DAB2IP: variants seen among roughly 807,000 people sequenced by gnomAD.
The protein encoded by DAB2IP is disabled homolog 2-interacting protein.
A neutral mutation model predicts 107.2 loss-of-function variants in DAB2IP; 28 were observed. The observed-to-expected ratio is 0.26, with a 90% CI of 0.19 to 0.36. The LOEUF (loss-of-function observed/expected upper bound fraction) is 0.36, where lower values mean the gene tolerates loss of function less well. Among genes scored for constraint, DAB2IP ranks in the 10% least tolerant of loss-of-function variants. The pLI, the probability that DAB2IP is intolerant of heterozygous loss-of-function variation, is 1.00. For missense variants in DAB2IP, 1,400 were observed against 1,644.7 expected (o/e 0.85, Z 2.57); for synonymous variants, 755 against 706.4 (o/e 1.07, Z -1.09).
At chr9:121,621,636 CT>C (rs538942620) in intron 1 of DAB2IP, among the ~76,000 whole-genome samples, 2,164 of 134,818 alleles carry the variant, frequency 0.016, 14 homozygotes, top group African/African-American at 0.029. Flanking sequence ...TCTTTTTTTC[CT>C]TTTTTTTTTT....
At chr9:121,717,635 A>G (rs1271461556) in intron 3 of DAB2IP, among the ~76,000 whole-genome samples, 1 of 152,152 alleles carries the variant, frequency 6.6e-6, no homozygotes, top group Non-Finnish European at 1.5e-5. Flanking sequence ...CTCTACCCAT[A>G]GTTCTGGCTG....
chr9:121,724,974 T>C (rs1262022011), intron 3 of DAB2IP, among the ~76,000 whole-genome samples: 1 of 151,718 alleles, frequency 6.6e-6, no homozygotes, highest in Non-Finnish European at 1.5e-5. Flanking sequence ...TCAGTGAGGG[T>C]CAGGACAGGG....
chr9:121,641,935 T>TTCTC (rs1161161801), intron 1 of DAB2IP, among the ~76,000 whole-genome samples: 7 of 113,634 alleles, frequency 6.2e-5, no homozygotes, highest in South Asian at 2.9e-4. Flanking sequence ...CTTTCTTTCT[T>TTCTC]TCTCTCTTTC....
Position 121,772,563 on chromosome 9 carries a change from C to G in DAB2IP, c.2079-44C>G, listed in dbSNP as rs747585189. 9 of 1,570,302 alleles carry G rather than the reference C, an allele frequency of 5.7e-6. No individual in the cohort carries two copies. In the African/African-American group the frequency reaches 1.1e-4, roughly 19 times the overall value. On this transcript the variant is annotated intron_variant, in intron 11 of 15. Transcript: ENST00000408936. This position sits in a 1 kb window ranked among gnomAD's most constrained non-coding sequence, Gnocchi z 4.7. The stretch of plus-strand genomic sequence containing the variant: ...ACCCGCCTTGGCTGCACTCACAGTT[C>G]TTCTTTTCCCCTTCTTTCCCTGTGT...
intron 6 of DAB2IP, among the ~76,000 whole-genome samples, chr9:121,761,593 C>T (rs1038719275): frequency 6.6e-6 from 1 of 152,228 alleles, no homozygotes. Flanking sequence ...CTCCCTCTTG[C>T]ACTTGCTGTA....
intron 3 of DAB2IP, chr9:121,752,049 C>G (rs552441127): frequency 4.1e-6 from 4 of 984,542 alleles, no homozygotes; most frequent in Non-Finnish European, 3.6e-6. Context: ...AGAAGGGTCT[C>G]GGCTGGGGCC....
At chr9:121,644,678 TG>T (rs1832479279) in intron 1 of DAB2IP, among the ~76,000 whole-genome samples, 2 of 152,060 alleles carry the variant, frequency 1.3e-5, no homozygotes, top group Non-Finnish European at 2.9e-5. Context: ...GGAAGCTGCT[TG>T]TCAGTTTATA....
intron 8 of DAB2IP, among the ~76,000 whole-genome samples, chr9:121,764,225 C>T (rs1024992484): frequency 6.6e-6 from 1 of 152,212 alleles, no homozygotes; most frequent in African/African-American, 2.4e-5. Flanking sequence ...CCTGAGGCTC[C>T]TCACCTGTCC....
chr9:121,709,274 A>T (rs1385016464), intron 3 of DAB2IP, among the ~76,000 whole-genome samples: 1 of 152,156 alleles, frequency 6.6e-6, no homozygotes, highest in Non-Finnish European at 1.5e-5. Context: ...GAGCTGCTGG[A>T]GAATGGAGCC....
At chr9:121,710,918 G>A (rs1830308962) in intron 3 of DAB2IP, among the ~76,000 whole-genome samples, 1 of 152,244 alleles carries the variant, frequency 6.6e-6, no homozygotes, top group Admixed American at 6.5e-5. Flanking sequence ...TAGGGAAGTG[G>A]TAGTGCCAGG....
At chr9:121,746,080 G>GT (rs1200306846) in intron 3 of DAB2IP, among the ~76,000 whole-genome samples, 2 of 152,206 alleles carry the variant, frequency 1.3e-5, no homozygotes, top group East Asian at 3.9e-4. Context: ...GAGCTCAGCT[G>GT]TGGGGGGAGA....
rs981790927 is a variant in DAB2IP at position 121,633,306 on chromosome 9, T to C, written c.41-45372T>C. ...TCCCGCTTGACCCTCCCCAGGCCTA[T>C]AAATTAATCATGTGCACAAAGAGGG... On this transcript the variant is annotated intron_variant, in intron 1 of 16. Transcript: ENST00000259371. The surrounding 1 kb of genome is among the most constrained non-coding windows in gnomAD (Gnocchi z 5.1). Among the ~76,000 whole-genome samples, 9 of 152,050 alleles carry C rather than the reference T, an allele frequency of 5.9e-5. No individual in the cohort carries two copies. The South Asian group carries it at 1.2e-3, about 21-fold the overall frequency.
At chr9:121,577,343 C>T (rs947012539) in intron 1 of DAB2IP, among the ~76,000 whole-genome samples, 5 of 152,170 alleles carry the variant, frequency 3.3e-5, no homozygotes, top group African/African-American at 7.2e-5. Context: ...TGCTGGATGG[C>T]CGGATCGCCA....
intron 3 of DAB2IP, among the ~76,000 whole-genome samples, chr9:121,709,253 T>G (rs1377818608): frequency 6.6e-6 from 1 of 152,194 alleles, no homozygotes; most frequent in African/African-American, 2.4e-5. Flanking sequence ...ATTCAGGTCA[T>G]GAAGCCCCTG....
chr9:121,704,616 A>G (rs908423163), intron 3 of DAB2IP, among the ~76,000 whole-genome samples: 4 of 152,182 alleles, frequency 2.6e-5, no homozygotes, highest in African/African-American at 4.8e-5. Flanking sequence ...TCCAAGAGGT[A>G]TGACAAGGAA....
intron 3 of DAB2IP, chr9:121,737,859 C>G: frequency 1.1e-6 from 1 of 896,534 alleles, no homozygotes; most frequent in Non-Finnish European, 1.3e-6. Flanking sequence ...GAGGCCTGGT[C>G]CCAGGACTGA....
intron 8 of DAB2IP, among the ~76,000 whole-genome samples, chr9:121,764,669 T>C (rs1435825059): frequency 6.6e-6 from 1 of 152,136 alleles, no homozygotes; most frequent in Non-Finnish European, 1.5e-5. Flanking sequence ...CCCCTCCAGC[T>C]CAGGGCTTAC....
At chr9:121,568,605 G>A (rs1829861001) in intron 1 of DAB2IP, among the ~76,000 whole-genome samples, 1 of 152,190 alleles carries the variant, frequency 6.6e-6, no homozygotes, top group Non-Finnish European at 1.5e-5. Context: ...AGAGTGATGC[G>A]GTCCTTGGGG....
In DAB2IP at chr9:121,760,367, C is replaced by A. The variant is rs1333134219; in HGVS notation, c.1098C>A (p.Ile366=). Reference sequence around the variant, plus strand: ...GGCTGTGTGCAGCCCTCGAGCCCATCCTCAGTGCCAAGACCAAGGAGGAGA... The same window carrying A: ...GGCTGTGTGCAGCCCTCGAGCCCATACTCAGTGCCAAGACCAAGGAGGAGA... Residue 366 remains isoleucine, a synonymous_variant, in exon 6 of 16, where the codon ATC becomes ATA. Coordinates refer to ENST00000408936, the Ensembl canonical transcript of DAB2IP. This position sits in a 1 kb window ranked among gnomAD's most constrained non-coding sequence, Gnocchi z 5.9. 6.2e-7 allele frequency: 1 copy of A among 1,611,970 alleles called. No individual in the cohort carries two copies.
Sources: gnomAD v4.1 joint callset for allele counts (sites outside exome capture counted in the v4.1 genomes callset) on GRCh38, gnomAD v4.1.1 for gene constraint, Gnocchi (gnomAD v3.1) non-coding constraint, MANE v1.5 for transcripts, NCBI Gene and HGNC (gene_info 2026-07-23, HGNC 2026-07-21) for gene names.